The following NRP2 variants were observed in gnomAD, a reference collection of about 807,000 sequenced individuals.
The protein encoded by NRP2 is neuropilin 2.
NRP2 carries 52 observed loss-of-function variants against 110.4 expected under a neutral mutation model. The observed-to-expected ratio is 0.47, with a 90% CI of 0.38 to 0.59. The LOEUF is 0.59. NRP2 is among the 20% of genes least tolerant of loss of function. NRP2 has a pLI of 0.00. For synonymous variants in NRP2, 508 were observed against 468.9 expected (o/e 1.08, Z -1.08); for missense variants, 1,049 against 1,203.0 (o/e 0.87, Z 1.89).
rs534559779 is a variant in NRP2 at position 205,780,996 on chromosome 2, C to T, written c.2426-11239C>T. On this transcript the variant is annotated intron_variant, in intron 15 of 16. Coordinates refer to ENST00000357785, the MANE Select transcript of NRP2 (RefSeq NM_003872.3). ...TGGCTTTCCTTAAAGCCATTTGTTC[C>T]CATTAGTAAAGAATGAAATAAAAAT... Among the ~76,000 whole-genome samples, 35 of 152,282 alleles carry T rather than the reference C, an allele frequency of 2.3e-4. 1 individual carries two copies. In the South Asian group the frequency reaches 7.3e-3, roughly 32 times the overall value.
chr2:205,746,368 G>C (rs1160449055), intron 10 of NRP2, among the ~76,000 whole-genome samples: 4 of 152,232 alleles, frequency 2.6e-5, no homozygotes, highest in African/African-American at 9.6e-5. Context: ...CTGTTGCAGG[G>C]AGCTGATGGG....
At chr2:205,693,705 C>A (rs2105878614) in intron 1 of NRP2, among the ~76,000 whole-genome samples, 1 of 152,272 alleles carries the variant, frequency 6.6e-6, no homozygotes, top group African/African-American at 2.4e-5. Context: ...CCTGGTAACC[C>A]AGTCCCATCA....
chr2:205,699,038 T>A (rs2056497925), intron 2 of NRP2, among the ~76,000 whole-genome samples: 1 of 152,222 alleles, frequency 6.6e-6, no homozygotes, highest in East Asian at 1.9e-4. Flanking sequence ...AATGGTTTTC[T>A]CCTAACAAGA....
Position 205,743,572 on chromosome 2 carries a change from C to T in NRP2, c.1641+20C>T. On this transcript the variant is annotated intron_variant, in intron 9 of 16. Coordinates refer to ENST00000357785, the MANE Select transcript of NRP2 (RefSeq NM_003872.3). ...CCAAAGGTAGGCTGTTCTTGGAGGC[C>T]TCTGTAACGTTACCCTCAACAGGGA... 1 of 1,612,982 alleles carries T rather than the reference C, an allele frequency of 6.2e-7. No homozygotes were observed. Among genetic ancestry groups the T allele is most frequent in the Non-Finnish European group, 8.5e-7 (1 of 1,179,170 alleles).
chr2:205,794,814 C>G lies in NRP2; in HGVS notation c.2537C>G (p.Ser846Trp). Residue 846 changes from serine to tryptophan, a missense_variant, in exon 17 of 17, where the codon TCG becomes TGG. Ser to Trp is a radical substitution (Grantham distance 177). Transcript: ENST00000357785. ...GCAACCTCAGGGTCTGGCGCCCCCT[C>G]GACCGACAAAGAAAAGAGCTGGCTG... is the stretch of plus-strand genomic sequence containing the variant. Reference protein sequence around the residue: ...SSATSGSGAPSTDKEKSWLYT... With the variant: ...SSATSGSGAPWTDKEKSWLYT... 1 of 1,614,174 alleles carries G rather than the reference C, an allele frequency of 6.2e-7. No individual in the cohort carries two copies. Among genetic ancestry groups the G allele is most frequent in the Non-Finnish European group, 8.5e-7 (1 of 1,180,034 alleles).
intron 9 of NRP2, among the ~76,000 whole-genome samples, chr2:205,744,719 C>A (rs1389442870): frequency 6.6e-6 from 1 of 152,188 alleles, no homozygotes; most frequent in Non-Finnish European, 1.5e-5. Flanking sequence ...AAGCAAATGT[C>A]TCCATTCTGA....
At chr2:205,746,800 G>A (rs1481848610) in intron 10 of NRP2, among the ~76,000 whole-genome samples, 4 of 152,208 alleles carry the variant, frequency 2.6e-5, no homozygotes, top group African/African-American at 7.2e-5. Context: ...AGGGCATGTC[G>A]GAGAAGTGCT....
At position 205,747,908 on chromosome 2, in the gene NRP2, T is replaced by C. The variant is rs577526189; in HGVS notation, c.1787-1817T>C. On this transcript the variant is annotated intron_variant, in intron 10 of 16. Coordinates refer to ENST00000357785, the MANE Select transcript of NRP2 (RefSeq NM_003872.3). ...TTCAAAGCCCTGCCTGGCCATTCCT[T>C]GGAAGATCAGAGTTGAGGAGCGTTC... 1.6e-4 allele frequency among the ~76,000 whole-genome samples: 25 copies of C among 152,312 alleles called. No individual in the cohort carries two copies. The South Asian group carries it at 5.2e-3, about 32-fold the overall frequency.
intron 7 of NRP2, among the ~76,000 whole-genome samples, chr2:205,738,313 G>A (rs944534805): frequency 6.6e-6 from 1 of 152,044 alleles, no homozygotes; most frequent in African/African-American, 2.4e-5. Flanking sequence ...AGCCAGTGGA[G>A]GCCCCCCTGC....
At chr2:205,778,662 G>A (rs1444424602) in intron 15 of NRP2, 1 of 152,190 alleles carries the variant, frequency 6.6e-6, no homozygotes, top group African/African-American at 2.4e-5. Flanking sequence ...GAGAAATTAT[G>A]TCTGGAAAAT....
chr2:205,724,672 T>TC (rs1359980025), intron 5 of NRP2, among the ~76,000 whole-genome samples: 1 of 144,764 alleles, frequency 6.9e-6, no homozygotes, highest in East Asian at 2.0e-4. Context: ...TTTTTTTTTT[T>TC]TTTTTTTTGA....
chr2:205,771,134 T>C (rs1559360534), intron 15 of NRP2, among the ~76,000 whole-genome samples: 2 of 152,194 alleles, frequency 1.3e-5, no homozygotes, highest in Admixed American at 6.5e-5. Flanking sequence ...GTCAGAGATC[T>C]GAATTCGGAG....
At chr2:205,733,979 G>A (rs1019662388) in intron 7 of NRP2, among the ~76,000 whole-genome samples, 1 of 151,922 alleles carries the variant, frequency 6.6e-6, no homozygotes, top group Admixed American at 6.6e-5. Flanking sequence ...GCACATCCCC[G>A]CCCCCCAGAA....
At chr2:205,760,179 A>G (rs2057798717) in intron 12 of NRP2, among the ~76,000 whole-genome samples, 1 of 152,184 alleles carries the variant, frequency 6.6e-6, no homozygotes, top group Admixed American at 6.5e-5. Flanking sequence ...GCGCACAGGC[A>G]GCAGGTGTTC....
chr2:205,766,526 AC>A (rs1484603036), intron 14 of NRP2, among the ~76,000 whole-genome samples: 4 of 152,090 alleles, frequency 2.6e-5, no homozygotes, highest in African/African-American at 9.7e-5. Flanking sequence ...TACTTTAGGG[AC>A]CCATTTCTTG....
intron 7 of NRP2, among the ~76,000 whole-genome samples, chr2:205,733,710 C>A (rs2057285976): frequency 6.6e-6 from 1 of 152,066 alleles, no homozygotes; most frequent in Admixed American, 6.5e-5. Context: ...CGAGTTTCTC[C>A]TTCCCTCTTC....
intron 15 of NRP2, chr2:205,776,751 C>G: frequency 6.9e-7 from 1 of 1,453,720 alleles, no homozygotes; most frequent in Admixed American, 2.3e-5. Context: ...CCAACAAACC[C>G]AACTCTAATG....
chr2:205,786,452 A>G (rs568037609), intron 15 of NRP2, among the ~76,000 whole-genome samples: 2 of 152,338 alleles, frequency 1.3e-5, no homozygotes, highest in African/African-American at 4.8e-5. Flanking sequence ...TATCCCAAAT[A>G]AATCACAGCC....
At chr2:205,698,563 C>T (rs2056486193) in intron 2 of NRP2, among the ~76,000 whole-genome samples, 1 of 152,140 alleles carries the variant, frequency 6.6e-6, no homozygotes, top group African/African-American at 2.4e-5. Flanking sequence ...TTTAGAAATG[C>T]CATGTTACTA....
Sources: gnomAD v4.1 joint callset for allele counts (sites outside exome capture counted in the v4.1 genomes callset) on GRCh38, gnomAD v4.1.1 for gene constraint, MANE v1.5 for transcripts, NCBI Gene and HGNC (gene_info 2026-07-23, HGNC 2026-07-21) for gene names.